The following SNURF variants were observed in gnomAD, a reference collection of about 807,000 sequenced individuals.
SNURF encodes SNURF protein.
Under a neutral mutation model 11.6 loss-of-function variants are expected in SNURF, and 6 were observed. The observed-to-expected ratio is 0.52, with a 90% CI of 0.28 to 1.02. The LOEUF (loss-of-function observed/expected upper bound fraction) is 1.02, where lower values mean the gene tolerates loss of function less well. Ranked by LOEUF, SNURF falls within the 50% of genes least tolerant of loss-of-function variation. The pLI, the probability that SNURF is intolerant of heterozygous loss-of-function variation, is 0.09. For synonymous variants in SNURF, 29 were observed against 31.6 expected, an observed-to-expected ratio of 0.92 and a Z score of 0.27; for missense variants, 84 against 88.4, an observed-to-expected ratio of 0.95 and a Z score of 0.20.
At chr15:24,969,094 G>A (rs2076064618), downstream of SNURF, among the ~76,000 whole-genome samples, 1 of 151,952 alleles carries the variant, frequency 6.6e-6, no homozygotes, top group South Asian at 2.1e-4. Context: ...ACTTGAATCA[G>A]TTAGGCTTGT....
downstream of SNURF, among the ~76,000 whole-genome samples, chr15:24,972,919 G>A (rs1409358788): frequency 1.2e-4 from 18 of 150,870 alleles, no homozygotes. Context: ...ATGGAGTCTT[G>A]CTCTGTTGCC....
chr15:24,972,002 TC>T (rs1251086949), downstream of SNURF, among the ~76,000 whole-genome samples: 6 of 152,170 alleles, frequency 3.9e-5, no homozygotes, highest in Non-Finnish European at 7.4e-5. Context: ...ATGCCTGTAA[TC>T]CTAGCACTTG....
chr15:24,977,896 G>A, downstream of SNURF: 1 of 1,577,026 alleles, frequency 6.3e-7, no homozygotes, highest in Admixed American at 1.9e-5. Context: ...CCACCCGTCG[G>A]CAGAGCAACC....
chr15:24,963,631 G>A (rs1354850327), intron 2 of SNURF, among the ~76,000 whole-genome samples: 3 of 149,942 alleles, frequency 2.0e-5, no homozygotes, highest in Non-Finnish European at 3.0e-5. Context: ...AAAAAAAAAA[G>A]AAAATGCAGT....
intron 6 of SNURF, chr15:24,977,057 T>A: frequency 6.6e-7 from 1 of 1,525,670 alleles, no homozygotes; most frequent in Non-Finnish European, 8.8e-7. Context: ...GGTTTTATAT[T>A]ATTGGGAGAA....
intron 2 of SNURF, among the ~76,000 whole-genome samples, chr15:24,962,692 A>T (rs1419959384): frequency 2.0e-5 from 3 of 152,336 alleles, no homozygotes; most frequent in East Asian, 3.9e-4. Context: ...TATAGGATGT[A>T]TACACAGACA....
chr15:24,960,298 C>T (rs937504786), intron 1 of SNURF, among the ~76,000 whole-genome samples: 4 of 152,160 alleles, frequency 2.6e-5, no homozygotes, highest in African/African-American at 9.7e-5. Context: ...AGTTTCCCCA[C>T]ATCCTTTACA....
intron 2 of SNURF, among the ~76,000 whole-genome samples, chr15:24,963,868 C>T (rs1415762415): frequency 1.3e-5 from 2 of 151,852 alleles, no homozygotes; most frequent in South Asian, 2.1e-4. Context: ...GACCTCCTCT[C>T]TACAGAAAAA....
intron 2 of SNURF, among the ~76,000 whole-genome samples, chr15:24,967,685 G>C (rs183425416): frequency 6.6e-6 from 1 of 150,980 alleles, no homozygotes; most frequent in African/African-American, 2.4e-5. Flanking sequence ...GTAGGTGCCT[G>C]TAATCCCAGC....
At chr15:24,975,428 G>A (rs749853771) in exon 4 of SNURF, 2 of 1,612,752 alleles carry the variant, frequency 1.2e-6, no homozygotes, top group Non-Finnish European at 1.7e-6. Flanking sequence ...CAAGATGGCC[G>A]AATCTTCATT....
intron 2 of SNURF, among the ~76,000 whole-genome samples, 188 bp from the exon 3 acceptor site, chr15:24,967,744 T>G (rs1374954778): frequency 1.3e-5 from 2 of 149,556 alleles, no homozygotes; most frequent in African/African-American, 4.9e-5. Context: ...GAAGGCAGTG[T>G]TTGTGGTGAG....
chr15:24,960,545 C>G (rs1342589361), intron 1 of SNURF, among the ~76,000 whole-genome samples: 1 of 152,112 alleles, frequency 6.6e-6, no homozygotes, highest in African/African-American at 2.4e-5. Context: ...CCAAGCTGGT[C>G]TCCTGAGCTC....
At chr15:24,972,929 C>T (rs1272038239), downstream of SNURF, among the ~76,000 whole-genome samples, 1 of 152,106 alleles carries the variant, frequency 6.6e-6, no homozygotes, top group East Asian at 1.9e-4. Context: ...GCTCTGTTGC[C>T]CAGGCTGGAG....
chr15:24,975,784 T>G (rs1386605479), intron 4 of SNURF, among the ~76,000 whole-genome samples: 1 of 152,026 alleles, frequency 6.6e-6, no homozygotes, highest in Non-Finnish European at 1.5e-5. Context: ...TTGAGAAAAA[T>G]GCTATATTAA....
chr15:24,968,020 A>T, exon 3 of SNURF: 1 of 1,614,078 alleles, frequency 6.2e-7, no homozygotes, highest in Non-Finnish European at 8.5e-7. Context: ...CTTAGCTGAG[A>T]CACCAAGAGG....
intron 2 of SNURF, 58 bp downstream of exon 2, chr15:24,962,267 C>A (rs1046798350): frequency 5.8e-6 from 8 of 1,373,322 alleles, no homozygotes; most frequent in Non-Finnish European, 7.3e-6. Flanking sequence ...CAGATTAGAA[C>A]AAAATATCAT....
chr15:24,968,420 T>C (rs1425804618), downstream of SNURF: 2 of 187,576 alleles, frequency 1.1e-5, no homozygotes, highest in African/African-American at 4.8e-5. Context: ...CATTTTTTTC[T>C]GCCAGTAGTT....
rs2077135467 is a variant in SNURF, at chr15:24,977,054, T to A, written c.*462+25T>A. ...GGTGAGGAACCAGCAGAGGGTTTTA[T>A]ATTATTGGGAGAATATGACTAAGCC... On this transcript the variant is annotated intron_variant and NMD_transcript_variant, in intron 6 of 6. Coordinates refer to the SNURF transcript ENST00000580062. 2.0e-6 allele frequency: 3 copies of A among 1,532,638 alleles called. No individual in the cohort carries two copies. In the African/African-American group the frequency reaches 4.2e-5, roughly 21 times the overall value. The allele number at this position is 1,532,638 out of a possible 1,614,324, so 94.9% of individuals were successfully genotyped here.
intron 6 of SNURF, among the ~76,000 whole-genome samples, chr15:24,977,521 T>TC (rs1413115030): frequency 3.3e-5 from 5 of 151,952 alleles, no homozygotes; most frequent in Admixed American, 3.3e-4. Flanking sequence ...GTGCCTGTAA[T>TC]CCCAGCTACC....
Sources: gnomAD v4.1 joint callset for allele counts (sites outside exome capture counted in the v4.1 genomes callset) on GRCh38, gnomAD v4.1.1 for gene constraint, MANE v1.5 for transcripts, NCBI Gene and HGNC (gene_info 2026-07-23, HGNC 2026-07-21) for gene names.